Variants in DDC observed in about 807,000 individuals in gnomAD.
The protein encoded by DDC is dopa decarboxylase.
A neutral mutation model predicts 60.0 loss-of-function variants in DDC; 43 were observed. The ratio of observed to expected loss-of-function variants is 0.72; its 90% CI spans 0.56 to 0.92. The LOEUF is 0.92. Ranked by LOEUF, DDC falls within the 40% of genes least tolerant of loss-of-function variation. The pLI is 0.00. For missense variants in DDC, 573 were observed against 620.2 expected (o/e 0.92, Z 0.81); for synonymous variants, 232 against 234.6 (o/e 0.99, Z 0.10).
chr7:50,530,048 G>A (rs11575330), intron 4 of DDC, among the ~76,000 whole-genome samples: 71 of 152,146 alleles, frequency 4.7e-4, no homozygotes, highest in African/African-American at 1.6e-3. Context: ...CTTGAGCCCC[G>A]GAGTTCGAGA....
chr7:50,506,082 G>A (rs2043387051), intron 6 of DDC, among the ~76,000 whole-genome samples: 1 of 152,228 alleles, frequency 6.6e-6, no homozygotes, highest in Non-Finnish European at 1.5e-5. Flanking sequence ...GGGCAAGGGT[G>A]AGCAGGATTA....
chr7:50,460,657 G>A (rs1201529822), intron 14 of DDC, among the ~76,000 whole-genome samples: 4 of 151,640 alleles, frequency 2.6e-5, no homozygotes, highest in Admixed American at 2.6e-4. Context: ...TGCCATGTCT[G>A]TGTAGAAAGA....
At chr7:50,468,736 C>G (rs749757164) in intron 12 of DDC, among the ~76,000 whole-genome samples, 1 of 152,110 alleles carries the variant, frequency 6.6e-6, no homozygotes, top group East Asian at 1.9e-4. Context: ...GGGCTGTTAC[C>G]ATCACTAAGG....
At chr7:50,462,724 T>C (rs1032360726) in intron 14 of DDC, among the ~76,000 whole-genome samples, 2 of 151,824 alleles carry the variant, frequency 1.3e-5, no homozygotes, top group South Asian at 2.1e-4. Context: ...CAATGTATCA[T>C]TCCTTCTACT....
chr7:50,502,078 GA>G (rs900782931), intron 7 of DDC, among the ~76,000 whole-genome samples: 2 of 150,084 alleles, frequency 1.3e-5, no homozygotes, highest in African/African-American at 2.4e-5. Context: ...CAAAAATAAA[GA>G]AAAAAAAAGG....
Position 50,509,323 on chromosome 7 carries a change from T to C in DDC, c.715-5264A>G, listed in dbSNP as rs531614899. On this transcript the variant is annotated intron_variant, in intron 6 of 14. Transcript: ENST00000444124. ...AGGGCAAAATTCCAACAGAGGCATA[T>C]TAATTTGGTCCTTCCATCTTCCTCA... is the stretch of plus-strand genomic sequence containing the variant. 4.6e-5 allele frequency among the ~76,000 whole-genome samples: 7 copies of C among 152,360 alleles called. 1 individual carries two copies. The South Asian group carries it at 1.5e-3, about 32-fold the overall frequency.
chr7:50,486,875 C>CT (rs958411710), intron 9 of DDC, among the ~76,000 whole-genome samples: 2 of 152,206 alleles, frequency 1.3e-5, no homozygotes, highest in Non-Finnish European at 2.9e-5. Context: ...GGTAACTACT[C>CT]TAAGTTCATC....
chr7:50,486,794 T>A (rs1158575177), intron 9 of DDC, among the ~76,000 whole-genome samples: 1 of 152,224 alleles, frequency 6.6e-6, no homozygotes, highest in Non-Finnish European at 1.5e-5. Context: ...TAAAGCTAAG[T>A]CATGCAAGGA....
intron 12 of DDC, among the ~76,000 whole-genome samples, chr7:50,468,460 A>G (rs2042450418): frequency 6.6e-6 from 1 of 152,212 alleles, no homozygotes; most frequent in Non-Finnish European, 1.5e-5. Context: ...ATTCGTCTCA[A>G]ATGGGTAGAG....
chr7:50,543,948 G>A lies in DDC; in HGVS notation c.138C>T (p.Ala46=). 2 of 1,614,144 alleles carry A rather than the reference G, an allele frequency of 1.2e-6. No individual in the cohort carries two copies. The highest frequency in any genetic ancestry group is 1.7e-6 in the Non-Finnish European group (2 of 1,180,044). The stretch of plus-strand genomic sequence containing the variant: ...CCTCAAACGTGTCTGGCTCCTGAGG[G>A]GCAGCGGCAGGGATCAGCGGCCGCA... ...GYLRPLIPAA[A]PQEPDTFEDI... The change falls in exon 2 of 15, where the codon GCC becomes GCT. Residue 46 remains alanine (A), a synonymous_variant. Coordinates refer to ENST00000444124, the MANE Select transcript of DDC (RefSeq NM_001082971.2).
At chr7:50,491,268 C>T (rs3470) in intron 9 of DDC, among the ~76,000 whole-genome samples, 80,844 of 151,902 alleles carry the variant, frequency 0.53, 21,693 homozygotes, top group Non-Finnish European at 0.57. Context: ...CAGAGTAATA[C>T]GGTTTATGTC....
chr7:50,498,938 C>A (rs991631402), intron 8 of DDC, among the ~76,000 whole-genome samples: 5 of 151,762 alleles, frequency 3.3e-5, no homozygotes, highest in South Asian at 2.1e-4. Flanking sequence ...TGAAATGGAA[C>A]TGTAAGTGTC....
At chr7:50,507,164 A>T (rs1431403540) in intron 6 of DDC, among the ~76,000 whole-genome samples, 2 of 152,234 alleles carry the variant, frequency 1.3e-5, no homozygotes, top group Non-Finnish European at 2.9e-5. Flanking sequence ...CATATCTTAG[A>T]AATGACATAT....
At chr7:50,535,391 C>G (rs910717284) in intron 4 of DDC, among the ~76,000 whole-genome samples, 1 of 152,250 alleles carries the variant, frequency 6.6e-6, no homozygotes, top group Non-Finnish European at 1.5e-5. Context: ...AGGTGATCTG[C>G]CTGCCTTGGC....
At chr7:50,471,716 C>T (rs975983179) in intron 11 of DDC, among the ~76,000 whole-genome samples, 4 of 152,168 alleles carry the variant, frequency 2.6e-5, no homozygotes, top group African/African-American at 7.2e-5. Flanking sequence ...GAGCCTGAGC[C>T]GAACCTGCAC....
In DDC at chr7:50,463,438, G is replaced by A. The variant is rs1330788703; in HGVS notation, c.1243-7C>T. 1.2e-6 allele frequency: 2 copies of A among 1,613,152 alleles called. No homozygotes were observed. The highest frequency in any genetic ancestry group is 2.7e-5 in the African/African-American group (2 of 74,876). On this transcript the variant is annotated splice_region_variant and splice_polypyrimidine_tract_variant and intron_variant, in intron 13 of 14. Transcript: ENST00000444124. ...CATTCACTTTGTTGGAACCCTGGAG[G>A]GATTGAAAGAGAGGAACTGTGCTCA...
intron 2 of DDC, among the ~76,000 whole-genome samples, chr7:50,541,606 G>A (rs568063715): frequency 6.6e-6 from 1 of 152,264 alleles, no homozygotes; most frequent in East Asian, 1.9e-4. Context: ...AGTACACACT[G>A]GGAAGACGGC....
intron 6 of DDC, among the ~76,000 whole-genome samples, chr7:50,519,756 G>A (rs2043839892): frequency 1.3e-5 from 2 of 151,920 alleles, no homozygotes; most frequent in African/African-American, 4.8e-5. Flanking sequence ...GGGAGCGGGG[G>A]TGAGGAATAA....
Position 50,525,735 on chromosome 7 carries a change from A to G in DDC, c.714+2402T>C, listed in dbSNP as rs148298311. Among the ~76,000 whole-genome samples, 444 of 152,166 alleles carry G rather than the reference A, an allele frequency of 2.9e-3. 1 individual carries two copies. Among genetic ancestry groups the G allele is most frequent in the African/African-American group, 9.5e-3 (394 of 41,506 alleles). ...GCCAAGATTGCATCACTGCACTCCA[A>G]CCTGGGTGATAGAGTGAGACTCTGT... On this transcript the variant is annotated intron_variant, in intron 6 of 14. Coordinates refer to ENST00000444124, the MANE Select transcript of DDC (RefSeq NM_001082971.2).
Sources: allele counts gnomAD v4.1 joint callset (sites outside exome capture counted in the v4.1 genomes callset), GRCh38; gene constraint gnomAD v4.1.1; transcripts MANE v1.5; gene names NCBI Gene and HGNC (gene_info 2026-07-23, HGNC 2026-07-21).